The following ASB4 variants were observed in gnomAD, a reference collection of about 807,000 sequenced individuals.
ASB4 encodes ankyrin repeat and SOCS box containing 4, also known as ankyrin repeat and SOCS box protein 4.
In ASB4, 35 loss-of-function variants were observed where a neutral mutation model predicts 38.6. That is an observed-to-expected ratio of 0.91 (90% CI 0.69 to 1.20). The LOEUF (loss-of-function observed/expected upper bound fraction) is 1.20, where lower values mean the gene tolerates loss of function less well. Among genes scored for constraint, ASB4 ranks in the 50% most tolerant of loss-of-function variants. ASB4 has a pLI of 0.00. For missense variants in ASB4, 557 were observed against 527.2 expected (o/e 1.06, Z -0.55); for synonymous variants, 195 against 201.3 (o/e 0.97, Z 0.26).
chr7:95,525,292 G>A (rs1191318968), intron 2 of ASB4, among the ~76,000 whole-genome samples: 2 of 152,050 alleles, frequency 1.3e-5, no homozygotes, highest in Non-Finnish European at 2.9e-5. Flanking sequence ...CCCAGTGTGT[G>A]GTATTTTGTT....
chr7:95,549,844 C>G, the ASB4 span, among the ~76,000 whole-genome samples: 1 of 152,136 alleles, frequency 6.6e-6, no homozygotes, highest in Admixed American at 6.5e-5. Flanking sequence ...CTGACTAATC[C>G]TTCCTTCTGC....
intron 2 of ASB4, among the ~76,000 whole-genome samples, chr7:95,516,370 A>G (rs1790583768): frequency 6.6e-6 from 1 of 152,218 alleles, no homozygotes; most frequent in Non-Finnish European, 1.5e-5. Flanking sequence ...TAAAAAATAA[A>G]ATAAATACAG....
rs60923712 is a variant in ASB4 at position 95,530,105 on chromosome 7, CA to C, written c.978+1817del. On this transcript the variant is annotated intron_variant, in intron 3 of 4. Coordinates refer to ENST00000325885, the MANE Select transcript of ASB4 (RefSeq NM_016116.3). ...TAGGTGCTATGGAGAAAAAGCAGGG[CA>C]AAAAAAAAAAAAAAGAGAATGCCAG... Among the ~76,000 whole-genome samples the C allele has an allele frequency of 5.2e-3, 523 of 99,668 alleles. 3 individuals are homozygous for C. Among genetic ancestry groups the C allele is most frequent in the African/African-American group, 0.013 (348 of 26,028 alleles). The allele number at this position is 99,668 out of a possible 152,430, so 65.4% of individuals were successfully genotyped here.
At position 95,485,985 on chromosome 7, in the gene ASB4, C is replaced by T. The variant is rs1790083397; in HGVS notation, c.14C>T (p.Thr5Ile). ...GGGAGAGGAAGGATGGACGGCACCA[C>T]TGCCCCTGTCACTAAATCTGGAGCT... MDGT[T>I]APVTKSGAAK... The change falls in exon 1 of 5, where the codon ACT becomes ATT. Residue 5 changes from threonine (T) to isoleucine (I), a missense_variant. Physicochemically the swap from Thr to Ile is moderately conservative, Grantham distance 89. Transcript: ENST00000325885. The T allele has an allele frequency of 1.9e-6, 3 of 1,613,936 alleles. No homozygotes were observed. The highest frequency in any genetic ancestry group is 4.5e-5 in the East Asian group (2 of 44,874).
chr7:95,471,354 C>T, the ASB4 span, among the ~76,000 whole-genome samples: 5 of 152,284 alleles, frequency 3.3e-5, no homozygotes, highest in South Asian at 6.2e-4. Context: ...AATGTGAATT[C>T]TGTTCTTGCC....
chr7:95,527,964 C>T lies in ASB4; in HGVS notation c.639C>T (p.Ala213=). Residue 213 remains alanine (A), a synonymous_variant, in exon 3 of 5, where the codon GCC becomes GCT. Coordinates refer to ENST00000325885, the MANE Select transcript of ASB4 (RefSeq NM_016116.3). ...ATGCCCACATGGAGACCCCCCTGGC[C>T]ATCGCCGCCTACTGGGCCCTCCGCT... The part of the protein sequence containing the change: ...SVNAHMETPL[A]IAAYWALRFK... The T allele has an allele frequency of 6.2e-7, 1 of 1,614,140 alleles. No homozygotes were observed. Among genetic ancestry groups the T allele is most frequent in the Middle Eastern group, 1.6e-4 (1 of 6,062 alleles).
downstream of ASB4, chr7:95,540,261 CTT>C (rs1315703340): frequency 2.6e-5 from 4 of 152,170 alleles, no homozygotes; most frequent in African/African-American, 9.7e-5. Context: ...CAATAAGACT[CTT>C]TTTCCTAACC....
At chr7:95,525,882 A>T (rs571062711) in intron 2 of ASB4, among the ~76,000 whole-genome samples, 1 of 152,334 alleles carries the variant, frequency 6.6e-6, no homozygotes, top group South Asian at 2.1e-4. Flanking sequence ...TTTACAGAGC[A>T]ATGTACTCTT....
the ASB4 span, among the ~76,000 whole-genome samples, chr7:95,472,898 C>T: frequency 1.3e-5 from 2 of 152,080 alleles, no homozygotes; most frequent in Non-Finnish European, 2.9e-5. Context: ...TTAAGATTTG[C>T]CAAAACTTGT....
chr7:95,508,577 T>C (rs1186204376), intron 2 of ASB4, among the ~76,000 whole-genome samples: 2 of 152,188 alleles, frequency 1.3e-5, no homozygotes, highest in African/African-American at 4.8e-5. Context: ...GCCTTTATGA[T>C]GCTACTAGTC....
intron 2 of ASB4, among the ~76,000 whole-genome samples, chr7:95,500,345 C>T (rs1266091795): frequency 6.6e-6 from 1 of 151,672 alleles, no homozygotes; most frequent in Non-Finnish European, 1.5e-5. Flanking sequence ...GGCAGGAGGA[C>T]CTTTTGAGGC....
chr7:95,496,339 G>T (rs1790248138), intron 2 of ASB4, among the ~76,000 whole-genome samples: 1 of 151,938 alleles, frequency 6.6e-6, no homozygotes, highest in Non-Finnish European at 1.5e-5. Flanking sequence ...CTAAGTCAAT[G>T]AAAAAGAGAA....
Position 95,502,294 on chromosome 7 carries a change from T to C in ASB4, c.487+6237T>C, listed in dbSNP as rs570808372. Among the ~76,000 whole-genome samples the C allele has an allele frequency of 2.7e-3, 406 of 152,034 alleles. 2 individuals carry two copies. The highest frequency in any genetic ancestry group is 9.5e-3 in the African/African-American group (393 of 41,470). On this transcript the variant is annotated intron_variant, in intron 2 of 4. Coordinates refer to ENST00000325885, the MANE Select transcript of ASB4 (RefSeq NM_016116.3). The stretch of plus-strand genomic sequence containing the variant: ...AATTAGCTATTTTGTTGTTGTTTGT[T>C]ACGTTAATAAGCATACAAAAGATAA...
upstream of ASB4, chr7:95,473,905 G>C (rs973672226): frequency 6.6e-6 from 1 of 152,210 alleles, no homozygotes; most frequent in African/African-American, 2.4e-5. Flanking sequence ...GGTCAGAAGG[G>C]GGATGGAAAG....
chr7:95,506,476 GGTGCATGAGACCATACATGCACCCCA>G (rs1361847102), intron 2 of ASB4, among the ~76,000 whole-genome samples: 2 of 152,054 alleles, frequency 1.3e-5, no homozygotes, highest in Admixed American at 6.5e-5. Context: ...TCTGAGAAAG[GGTGCATGAGACCATACATGCACCCCA>G]GTGCATGAAT....
Position 95,537,593 on chromosome 7 carries a change from C to G in ASB4, c.1115C>G (p.Ser372Cys). Reference protein sequence around the residue: ...DLEKYWDFYHSLFTVCCNSPR... With the variant: ...DLEKYWDFYHCLFTVCCNSPR... The stretch of plus-strand genomic sequence containing the variant: ...CAGAAATACTGGGATTTTTACCACT[C>G]TCTCTTTACTGTGTGCTGTAACTCT... Residue 372 changes from serine (S) to cysteine (C), a missense_variant, in exon 5 of 5, where the codon TCT becomes TGT. By Grantham distance (112) the Ser-to-Cys change is moderately radical. Transcript: ENST00000325885. 6.3e-7 allele frequency: 1 copy of G among 1,597,778 alleles called. No individual in the cohort carries two copies. Among genetic ancestry groups the G allele is most frequent in the South Asian group, 1.1e-5 (1 of 88,528 alleles).
the ASB4 span, among the ~76,000 whole-genome samples, chr7:95,473,112 G>T: frequency 6.6e-6 from 1 of 152,122 alleles, no homozygotes; most frequent in East Asian, 1.9e-4. Context: ...TGATCCTAAT[G>T]AGCAGAAACT....
chr7:95,497,917 T>C (rs546476849), intron 2 of ASB4, among the ~76,000 whole-genome samples: 2 of 152,224 alleles, frequency 1.3e-5, no homozygotes, highest in Non-Finnish European at 1.5e-5. Flanking sequence ...ACAAAATTGA[T>C]CTACCCCCCA....
At chr7:95,476,483 G>T (rs914173722), upstream of ASB4, among the ~76,000 whole-genome samples, 2 of 152,196 alleles carry the variant, frequency 1.3e-5, no homozygotes, top group African/African-American at 4.8e-5. Flanking sequence ...GGAAGATCTA[G>T]AGGACAAGCC....
Sources: gnomAD v4.1 joint callset for allele counts (sites outside exome capture counted in the v4.1 genomes callset) on GRCh38, gnomAD v4.1.1 for gene constraint, MANE v1.5 for transcripts, NCBI Gene and HGNC (gene_info 2026-07-23, HGNC 2026-07-21) for gene names.